The following FGF12 variants were observed in gnomAD, a reference collection of about 807,000 sequenced individuals.
FGF12 encodes fibroblast growth factor 12B.
In FGF12, 14 loss-of-function variants were observed where a neutral mutation model predicts 23.6. The observed-to-expected ratio is 0.59, with a 90% confidence interval of 0.39 to 0.93. The LOEUF (loss-of-function observed/expected upper bound fraction) is 0.93, where lower values mean the gene tolerates loss of function less well. Ranked by LOEUF, FGF12 falls within the 40% of genes least tolerant of loss-of-function variation. The probability of loss-of-function intolerance (pLI) is 0.00; values close to 1 mark genes in which losing one functional copy is unlikely to be tolerated. For synonymous variants in FGF12, 62 were observed against 77.3 expected (o/e 0.80, Z 1.04); for missense variants, 175 against 217.8 (o/e 0.80, Z 1.24).
At chr3:192,454,099 C>T (rs936434687) in intron 2 of FGF12, among the ~76,000 whole-genome samples, 3 of 151,732 alleles carry the variant, frequency 2.0e-5, no homozygotes, top group Admixed American at 6.6e-5. Flanking sequence ...AGTGCAGTGA[C>T]GCAATCTTGG....
At chr3:192,496,137 T>C (rs1236514715) in intron 2 of FGF12, among the ~76,000 whole-genome samples, 1 of 152,100 alleles carries the variant, frequency 6.6e-6, no homozygotes, top group African/African-American at 2.4e-5. Flanking sequence ...ATAGGAGAAA[T>C]TCAAAACCAA....
intron 4 of FGF12, among the ~76,000 whole-genome samples, chr3:192,251,408 C>A (rs181696526): frequency 6.6e-6 from 1 of 152,228 alleles, no homozygotes; most frequent in African/African-American, 2.4e-5. Context: ...AGTTGATTCA[C>A]CAACTTTCAA....
At chr3:192,481,488 T>C in intron 2 of FGF12, among the ~76,000 whole-genome samples, 1 of 152,200 alleles carries the variant, frequency 6.6e-6, no homozygotes, top group East Asian at 1.9e-4. Context: ...CCTATGCATC[T>C]TGTTTGTTTA....
At chr3:192,695,441 G>A (rs774247219) in intron 2 of FGF12, among the ~76,000 whole-genome samples, 1 of 152,124 alleles carries the variant, frequency 6.6e-6, no homozygotes, top group African/African-American at 2.4e-5. Flanking sequence ...GTACATATAC[G>A]TGAATTCTGT....
intron 4 of FGF12, among the ~76,000 whole-genome samples, chr3:192,212,729 C>T (rs1249459193): frequency 6.7e-6 from 1 of 149,912 alleles, no homozygotes; most frequent in Non-Finnish European, 1.5e-5. Flanking sequence ...CATTTTGTGG[C>T]ATCCTGGAGA....
chr3:192,530,560 A>G (rs1186844270), intron 2 of FGF12, among the ~76,000 whole-genome samples: 1 of 152,190 alleles, frequency 6.6e-6, no homozygotes, highest in African/African-American at 2.4e-5. Flanking sequence ...TCTCTTCTGT[A>G]TCTATAAAAT....
intron 2 of FGF12, among the ~76,000 whole-genome samples, chr3:192,397,688 T>C (rs984025414): frequency 6.6e-6 from 1 of 152,228 alleles, no homozygotes; most frequent in Non-Finnish European, 1.5e-5. Context: ...TGGGTGACTT[T>C]CCTTTCTCAA....
intron 2 of FGF12, among the ~76,000 whole-genome samples, chr3:192,692,772 C>T (rs181292109): frequency 3.3e-5 from 5 of 151,228 alleles, no homozygotes; most frequent in South Asian, 2.1e-4. Context: ...AGTTTGACAT[C>T]GTTTCATGAT....
chr3:192,538,902 A>G (rs9883271), intron 2 of FGF12, among the ~76,000 whole-genome samples: 1 of 152,088 alleles, frequency 6.6e-6, no homozygotes, highest in Non-Finnish European at 1.5e-5. Context: ...ATTTGTAGTT[A>G]TTGCAAACGG....
At chr3:192,167,010 C>A (rs767661574) in intron 5 of FGF12, among the ~76,000 whole-genome samples, 6 of 151,312 alleles carry the variant, frequency 4.0e-5, no homozygotes, top group African/African-American at 1.2e-4. Flanking sequence ...AGTAAAAACA[C>A]GATAATCTAC....
At chr3:192,502,182 C>T (rs549942835) in intron 2 of FGF12, among the ~76,000 whole-genome samples, 1 of 152,248 alleles carries the variant, frequency 6.6e-6, no homozygotes, top group South Asian at 2.1e-4. Flanking sequence ...GTCCATTTCC[C>T]ATTCTTTGTT....
At chr3:192,182,315 T>G (rs1453825120) in intron 4 of FGF12, among the ~76,000 whole-genome samples, 1 of 152,122 alleles carries the variant, frequency 6.6e-6, no homozygotes, top group African/African-American at 2.4e-5. Flanking sequence ...CTGGGTCAAG[T>G]ACAATTAATG....
At chr3:192,549,027 A>C (rs926619592) in intron 2 of FGF12, among the ~76,000 whole-genome samples, 1 of 152,206 alleles carries the variant, frequency 6.6e-6, no homozygotes, top group Admixed American at 6.5e-5. Flanking sequence ...ATTTCTTAAT[A>C]GGCATTAAAG....
intron 2 of FGF12, among the ~76,000 whole-genome samples, chr3:192,380,156 A>C (rs1312392838): frequency 1.3e-5 from 2 of 152,208 alleles, no homozygotes; most frequent in African/African-American, 4.8e-5. Context: ...TCCACTAATA[A>C]TTAAATAGAT....
At chr3:192,158,438 CTTTCTTTCTTCTTT>C (rs1714638389) in intron 5 of FGF12, among the ~76,000 whole-genome samples, 1 of 118,362 alleles carries the variant, frequency 8.4e-6, no homozygotes, top group African/African-American at 3.3e-5. Context: ...TTTTTTCTTT[CTTTCTTTCTTCTTT>C]TTTCTTGCTT....
At chr3:192,263,550 A>G (rs991310814) in intron 4 of FGF12, among the ~76,000 whole-genome samples, 26 of 136,214 alleles carry the variant, frequency 1.9e-4, no homozygotes, top group East Asian at 6.1e-4. Context: ...AAAAAGAGGG[A>G]AAAAAAAAAA....
chr3:192,552,544 C>T (rs1218557227), intron 2 of FGF12, among the ~76,000 whole-genome samples: 1 of 143,312 alleles, frequency 7.0e-6, no homozygotes, highest in African/African-American at 2.6e-5. Context: ...TCAAAAAAAA[C>T]CCTCATATGA....
chr3:192,648,712 T>A (rs1716102860), intron 2 of FGF12, among the ~76,000 whole-genome samples: 1 of 152,112 alleles, frequency 6.6e-6, no homozygotes, highest in Admixed American at 6.6e-5. Context: ...ATATGAAGGA[T>A]GAGAAATGGC....
rs900047093 is a variant in FGF12 at position 192,514,349 on chromosome 3, A to G, written c.14-153811T>C. Among the ~76,000 whole-genome samples the G allele has an allele frequency of 6.6e-6, 1 of 152,232 alleles. No individual in the cohort carries two copies. Among genetic ancestry groups the G allele is most frequent in the Non-Finnish European group, 1.5e-5 (1 of 68,044 alleles). ...CGCGCGCCGCCCTCGCAAATCGCAG[A>G]GAGGGCCGCGAGAAGGTGCGAACGC... On this transcript the variant is annotated intron_variant, in intron 2 of 5. Coordinates refer to ENST00000445105, the MANE Select transcript of FGF12 (RefSeq NM_004113.6). The surrounding 1 kb of genome is among the most constrained non-coding windows in gnomAD (Gnocchi z 4.9).
Sources: allele counts gnomAD v4.1 joint callset (sites outside exome capture counted in the v4.1 genomes callset), GRCh38; gene constraint gnomAD v4.1.1; non-coding constraint Gnocchi (gnomAD v3.1); transcripts MANE v1.5; gene names NCBI Gene and HGNC (gene_info 2026-07-23, HGNC 2026-07-21).